Variants in PHKB observed in about 807,000 individuals in gnomAD.
The protein encoded by PHKB is phosphorylase b kinase regulatory subunit beta.
Under a neutral mutation model 152.1 loss-of-function variants are expected in PHKB, and 122 were observed. That is an observed-to-expected ratio of 0.80 (90% CI 0.69 to 0.93). The LOEUF (loss-of-function observed/expected upper bound fraction) is 0.93, where lower values mean the gene tolerates loss of function less well. Among genes scored for constraint, PHKB ranks in the 40% least tolerant of loss-of-function variants. The pLI, the probability that PHKB is intolerant of heterozygous loss-of-function variation, is 0.00. For missense variants in PHKB, 1,304 were observed against 1,328.4 expected (o/e 0.98, Z 0.29); for synonymous variants, 436 against 464.9 (o/e 0.94, Z 0.80).
intron 26 of PHKB, among the ~76,000 whole-genome samples, chr16:47,687,613 A>G (rs1332484083): frequency 6.6e-6 from 1 of 152,198 alleles, no homozygotes; most frequent in Non-Finnish European, 1.5e-5. Context: ...AGCAGCTATT[A>G]AATATTCATT....
rs1974147134 is a variant in PHKB at position 47,696,404 on chromosome 16, C to T, written c.2919C>T (p.Thr973=). 2 of 1,604,850 alleles carry T rather than the reference C, an allele frequency of 1.2e-6. No homozygotes were observed. The highest frequency in any genetic ancestry group is 4.5e-5 in the East Asian group (2 of 44,830). The change falls in exon 29 of 31, where the codon ACC becomes ACT. Residue 973 remains threonine, a synonymous_variant. Coordinates refer to ENST00000323584, the MANE Select transcript of PHKB (RefSeq NM_000293.3). ...LPQQPTLSDM[T]MYEMNFSLLV... is the part of the protein sequence containing the mutation. ...AGCAACCAACCCTGTCAGATATGAC[C>T]ATGTATGAGATGAATTTCTCTCTCC...
chr16:47,570,818 T>A (rs1196212276), intron 7 of PHKB, among the ~76,000 whole-genome samples: 2 of 152,154 alleles, frequency 1.3e-5, no homozygotes, highest in Non-Finnish European at 2.9e-5. Flanking sequence ...GCTGGAGAGT[T>A]AGTATGTATT....
chr16:47,613,032 A>G (rs1972455604), intron 14 of PHKB, among the ~76,000 whole-genome samples: 1 of 152,162 alleles, frequency 6.6e-6, no homozygotes. Context: ...TTTAAACCCT[A>G]CCACAAATTA....
chr16:47,659,885 G>C (rs566428791), intron 20 of PHKB, among the ~76,000 whole-genome samples: 4 of 151,742 alleles, frequency 2.6e-5, no homozygotes, highest in Non-Finnish European at 2.9e-5. Flanking sequence ...TATTTTTTGA[G>C]ACGGAGTCTC....
At chr16:47,613,691 C>T (rs188668833) in intron 14 of PHKB, among the ~76,000 whole-genome samples, 2 of 152,326 alleles carry the variant, frequency 1.3e-5, no homozygotes, top group Admixed American at 6.5e-5. Flanking sequence ...ACCACCGTCA[C>T]GGTCAAAATA....
At chr16:47,554,416 C>T (rs943832168) in intron 7 of PHKB, among the ~76,000 whole-genome samples, 3 of 152,166 alleles carry the variant, frequency 2.0e-5, no homozygotes, top group Non-Finnish European at 2.9e-5. Flanking sequence ...GTGCTGGCAA[C>T]GAGAATTTCA....
chr16:47,598,718 C>A (rs1972166993), intron 13 of PHKB: 1 of 1,569,698 alleles, frequency 6.4e-7, no homozygotes, highest in Non-Finnish European at 8.8e-7. Context: ...GGTTTCCACT[C>A]CCTCATTTTT....
intron 1 of PHKB, among the ~76,000 whole-genome samples, chr16:47,492,998 C>T (rs1160973529): frequency 6.6e-6 from 1 of 152,184 alleles, no homozygotes; most frequent in Non-Finnish European, 1.5e-5. Flanking sequence ...CAGAGAGTCT[C>T]AGCAAAGCCA....
At chr16:47,664,427 T>TA (rs548992762) in intron 24 of PHKB, 172 of 171,760 alleles carry the variant, frequency 1.0e-3, no homozygotes, top group South Asian at 3.2e-3. Context: ...GTTATCCACT[T>TA]AAAAAAAAAA....
rs556092110 is a variant in PHKB, at chr16:47,566,735, A to G, written c.711-13560A>G. The G allele has an allele frequency of 4.5e-5, 34 of 763,252 alleles. No homozygotes were observed. The African/African-American group carries it at 5.6e-4, about 13-fold the overall frequency. 47.3% of individuals were successfully genotyped at this position (763,252 alleles called of 1,614,324 possible). On this transcript the variant is annotated intron_variant, in intron 7 of 30. Coordinates refer to ENST00000323584, the MANE Select transcript of PHKB (RefSeq NM_000293.3). ...ACACATCTTCATCATTACTGTTCCAAGTTGTTGAAATATCTCCTTCCAGGT... is the reference window on the plus strand; with the variant it reads ...ACACATCTTCATCATTACTGTTCCAGGTTGTTGAAATATCTCCTTCCAGGT...
intron 28 of PHKB, among the ~76,000 whole-genome samples, chr16:47,695,590 C>G (rs1179028540): frequency 6.6e-6 from 1 of 152,184 alleles, no homozygotes; most frequent in African/African-American, 2.4e-5. Flanking sequence ...AGACATGGTT[C>G]TGAACCTGAT....
At chr16:47,583,688 CAG>C (rs1161073019) in intron 8 of PHKB, among the ~76,000 whole-genome samples, 2 of 152,106 alleles carry the variant, frequency 1.3e-5, no homozygotes, top group South Asian at 2.1e-4. Context: ...TCACACCACA[CAG>C]GGGCAAAACC....
At chr16:47,514,446 A>G in intron 5 of PHKB, among the ~76,000 whole-genome samples, 1 of 152,226 alleles carries the variant, frequency 6.6e-6, no homozygotes, top group East Asian at 1.9e-4. Flanking sequence ...TGGAACCAAA[A>G]GCTGGATAAC....
intron 20 of PHKB, among the ~76,000 whole-genome samples, chr16:47,651,253 A>G (rs1481586175): frequency 1.3e-5 from 2 of 152,152 alleles, no homozygotes; most frequent in Non-Finnish European, 2.9e-5. Flanking sequence ...TGTGCTCTAT[A>G]CTAACATCCA....
At position 47,589,056 on chromosome 16, in the gene PHKB, C is replaced by T. The variant is rs780382218; in HGVS notation, c.1022C>T (p.Ser341Leu). The T allele has an allele frequency of 4.3e-6, 7 of 1,613,462 alleles. No individual in the cohort carries two copies. Among genetic ancestry groups the T allele is most frequent in the Non-Finnish European group, 5.9e-6 (7 of 1,179,492 alleles). Residue 341 changes from serine (S) to leucine (L), a missense_variant, in exon 10 of 31, where the codon TCA (serine) becomes TTA (leucine). By Grantham distance (145) the Ser-to-Leu change is moderately radical. Transcript: ENST00000323584. ...TTCTTGAGAGATGGGTATAGAACAT[C>T]ATTGGAAGATCCCAACAGATGCTAC... ...KRFLRDGYRT[S>L]LEDPNRCYYK...
Position 47,513,554 on chromosome 16 carries a change from T to C in PHKB, c.513+1782T>C, listed in dbSNP as rs1225250722. Reference sequence around the variant, plus strand: ...AGTCAGGAGACACCCAGAATCAGCCTGGTTCCTCAGAGGGCCACCAGCAGT... The same window carrying C: ...AGTCAGGAGACACCCAGAATCAGCCCGGTTCCTCAGAGGGCCACCAGCAGT... On this transcript the variant is annotated intron_variant, in intron 5 of 30. Transcript: ENST00000323584. Among the ~76,000 whole-genome samples, 3 of 152,196 alleles carry C rather than the reference T, an allele frequency of 2.0e-5. No individual in the cohort carries two copies. The East Asian group carries it at 5.8e-4, about 29-fold the overall frequency.
chr16:47,581,387 G>A (rs1971842471), intron 8 of PHKB, among the ~76,000 whole-genome samples: 1 of 152,054 alleles, frequency 6.6e-6, no homozygotes, highest in Middle Eastern at 3.2e-3. Context: ...TCATATTCCT[G>A]GATGGATGGA....
chr16:47,661,723 G>T lies in PHKB; in HGVS notation c.2201G>T (p.Cys734Phe). The T allele has an allele frequency of 6.2e-7, 1 of 1,609,088 alleles. No homozygotes were observed. The highest frequency in any genetic ancestry group is 8.5e-7 in the Non-Finnish European group (1 of 1,175,594). The change falls in exon 23 of 31, where the codon TGC becomes TTC. Residue 734 changes from cysteine (C) to phenylalanine (F), a missense_variant. Coordinates refer to ENST00000323584, the MANE Select transcript of PHKB (RefSeq NM_000293.3). ...THEILQKLND[C>F]SCLASQAILL... ...CACCGTGATTTATATTTTCAGGATT[G>T]CAGTTGTCTGGCTAGCCAAGCCATC...
At position 47,612,578 on chromosome 16, in the gene PHKB, C is replaced by T. The variant is rs565657081; in HGVS notation, c.1458+1658C>T. On this transcript the variant is annotated intron_variant, in intron 14 of 30. Transcript: ENST00000323584. ...TGTTTTATCTCAAAATTACTTTGTA[C>T]TGCTGCTACTGAATTATCTGTGTCA... is the stretch of plus-strand genomic sequence containing the variant. 1.1e-4 allele frequency among the ~76,000 whole-genome samples: 17 copies of T among 152,310 alleles called. 1 individual carries two copies. The South Asian group carries it at 3.5e-3, about 32-fold the overall frequency.
Sources: gnomAD v4.1 joint callset for allele counts (sites outside exome capture counted in the v4.1 genomes callset) on GRCh38, gnomAD v4.1.1 for gene constraint, MANE v1.5 for transcripts, NCBI Gene and HGNC (gene_info 2026-07-23, HGNC 2026-07-21) for gene names.